Variants in ITSN2 observed in about 807,000 individuals in gnomAD.
ITSN2 encodes intersectin-2.
A neutral mutation model predicts 243.7 loss-of-function variants in ITSN2; 156 were observed. The ratio of observed to expected loss-of-function variants is 0.64; its 90% CI spans 0.56 to 0.73. ITSN2 has a LOEUF of 0.73. Among genes scored for constraint, ITSN2 ranks in the 30% least tolerant of loss-of-function variants. ITSN2 has a pLI of 0.00. For missense variants in ITSN2, 1,801 were observed against 1,996.1 expected (o/e 0.90, Z 1.86); for synonymous variants, 703 against 699.9 (o/e 1.00, Z -0.07).
Position 24,254,223 on chromosome 2 carries a change from G to T in ITSN2, c.2953+144C>A, listed in dbSNP as rs1674727608. ...ATTCATGTGAAATAGATAGGGGCAG[G>T]TTTTCCTAATCTCACTTTAATACTG... On this transcript the variant is annotated intron_variant, in intron 24 of 39. Coordinates refer to ENST00000355123, the MANE Select transcript of ITSN2 (RefSeq NM_006277.3). The T allele has an allele frequency of 5.3e-6, 3 of 563,052 alleles. No individual in the cohort carries two copies. In the South Asian group the frequency reaches 8.4e-5, roughly 16 times the overall value. 34.9% of individuals were successfully genotyped at this position (563,052 alleles called of 1,614,324 possible).
chr2:24,350,925 G>A (rs189987423), intron 1 of ITSN2, among the ~76,000 whole-genome samples: 176 of 152,304 alleles, frequency 1.2e-3, no homozygotes, highest in African/African-American at 4.1e-3. Flanking sequence ...AAATTAGATA[G>A]TGATACTGGT....
chr2:24,306,275 C>T (rs771116803), intron 8 of ITSN2, among the ~76,000 whole-genome samples: 9 of 152,092 alleles, frequency 5.9e-5, no homozygotes, highest in East Asian at 1.9e-4. Flanking sequence ...CCACTGCACC[C>T]GGCCTGCCTA....
chr2:24,260,002 C>A (rs1249847464), intron 22 of ITSN2, among the ~76,000 whole-genome samples: 1 of 152,042 alleles, frequency 6.6e-6, no homozygotes, highest in African/African-American at 2.4e-5. Flanking sequence ...ATTAATTGTG[C>A]CTCAAACTCC....
At chr2:24,248,027 CT>C (rs1673608486) in intron 27 of ITSN2, among the ~76,000 whole-genome samples, 1 of 152,102 alleles carries the variant, frequency 6.6e-6, no homozygotes, top group African/African-American at 2.4e-5. Context: ...AAAAATATAG[CT>C]ATTATATCTC....
intron 17 of ITSN2, among the ~76,000 whole-genome samples, chr2:24,278,919 T>C (rs1678398272): frequency 6.6e-6 from 1 of 152,182 alleles, no homozygotes. Context: ...CCCAAAGGGC[T>C]GGGATTGCAG....
intron 17 of ITSN2, among the ~76,000 whole-genome samples, chr2:24,280,057 T>A (rs1484017763): frequency 3.3e-5 from 5 of 152,192 alleles, no homozygotes; most frequent in Admixed American, 2.6e-4. Flanking sequence ...CTTAATGGTA[T>A]AATGGCCTGT....
Position 24,261,035 on chromosome 2 carries a change from A to G in ITSN2, c.2682+71T>C. 7 of 1,386,338 alleles carry G rather than the reference A, an allele frequency of 5.0e-6. No individual in the cohort carries two copies. In the South Asian group the frequency reaches 7.9e-5, roughly 16 times the overall value. 85.9% of individuals were successfully genotyped at this position (1,386,338 alleles called of 1,614,324 possible). A position where few individuals can be genotyped will look rare whatever the true frequency, so the allele number is the denominator to read the frequency against. ...TAAATGAGTGAATGGTCCTTTGTATATAATTTTCATTCTATTTTAATCAGG... is the reference window on the plus strand; with the variant it reads ...TAAATGAGTGAATGGTCCTTTGTATGTAATTTTCATTCTATTTTAATCAGG... On this transcript the variant is annotated intron_variant, in intron 22 of 39. Coordinates refer to ENST00000355123, the MANE Select transcript of ITSN2 (RefSeq NM_006277.3).
intron 30 of ITSN2, chr2:24,220,209 G>T: frequency 2.5e-6 from 1 of 401,302 alleles, no homozygotes; most frequent in Non-Finnish European, 3.4e-6. Context: ...CACCTGTTGG[G>T]TGTGTGGGGG....
chr2:24,224,612 C>G (rs925468656), intron 29 of ITSN2, among the ~76,000 whole-genome samples: 3 of 150,944 alleles, frequency 2.0e-5, no homozygotes, highest in Non-Finnish European at 4.4e-5. Flanking sequence ...GACCCTTTTG[C>G]ATTTCATCAT....
chr2:24,225,717 C>T lies in ITSN2; in HGVS notation c.3578-4651G>A, dbSNP rs1205512754. Among the ~76,000 whole-genome samples the T allele has an allele frequency of 6.6e-6, 1 of 152,160 alleles. No individual in the cohort carries two copies. The highest frequency in any genetic ancestry group is 2.4e-5 in the African/African-American group (1 of 41,434). ...ACAATGCTGCAGGCTGTATATCTCA[C>T]TCGCAGGGCCCCAGTGCACATTAGC... On this transcript the variant is annotated intron_variant, in intron 29 of 39. Coordinates refer to ENST00000355123, the MANE Select transcript of ITSN2 (RefSeq NM_006277.3). The surrounding 1 kb of genome is among the most constrained non-coding windows in gnomAD (Gnocchi z 4.2).
rs201093505 is a variant in ITSN2 at position 24,246,178 on chromosome 2, A to G, written c.3528T>C (p.Phe1176=). ...TCGTCATCTTAACGTAGTTTGAAGG[A>G]AAGAGACCAGTCACCCCGTTGATCT... is the stretch of plus-strand genomic sequence containing the variant. ...QGEINGVTGL[F]PSNYVKMTTD... is the part of the protein sequence containing the mutation. Residue 1176 remains phenylalanine, a synonymous_variant, in exon 29 of 40, where the codon TTT becomes TTC. Coordinates refer to ENST00000355123, the MANE Select transcript of ITSN2 (RefSeq NM_006277.3). 1.2e-6 allele frequency: 2 copies of G among 1,613,478 alleles called. No individual in the cohort carries two copies. The highest frequency in any genetic ancestry group is 1.3e-5 in the African/African-American group (1 of 74,880).
In ITSN2 at chr2:24,216,134, A is replaced by T; in HGVS notation, c.3905T>A (p.Ile1302Asn). 3 of 1,613,348 alleles carry T rather than the reference A, an allele frequency of 1.9e-6. No individual in the cohort carries two copies. Among genetic ancestry groups the T allele is most frequent in the Non-Finnish European group, 2.5e-6 (3 of 1,179,676 alleles). The change falls in exon 32 of 40, where the codon ATC becomes AAC. Residue 1302 changes from isoleucine to asparagine, a missense_variant. Ile to Asn is a moderately radical substitution (Grantham distance 149). This residue lies in a region of ITSN2 where 928 missense variants were observed against 1,065.4 expected (regional missense o/e 0.87). Transcript: ENST00000355123. ...AAELSHMQAY[I>N]RFCSCQLNGA... is the part of the protein sequence containing the mutation. ...ATTAAGCTGGCAGCTGCAGAACCTG[A>T]TGTAAGCCTGCATGTGGGACAGCTC... is the stretch of plus-strand genomic sequence containing the variant.
intron 29 of ITSN2, chr2:24,241,547 T>TC (rs3832080): frequency 0.18 from 27,005 of 152,400 alleles, 3,096 homozygotes; most frequent in Non-Finnish European, 0.26. Context: ...TTTAAAAAGC[T>TC]CCCCCAAAAT....
chr2:24,216,849 G>A (rs551196973), intron 31 of ITSN2, among the ~76,000 whole-genome samples: 10 of 152,308 alleles, frequency 6.6e-5, no homozygotes, highest in African/African-American at 2.2e-4. Context: ...ACTTTGAGAG[G>A]CTGAGGTGGG....
intron 18 of ITSN2, among the ~76,000 whole-genome samples, chr2:24,272,643 C>T (rs1677510457): frequency 1.3e-5 from 2 of 151,994 alleles, no homozygotes; most frequent in Non-Finnish European, 2.9e-5. Context: ...GCTATGTTGC[C>T]CAGTCTGGTC....
intron 1 of ITSN2, among the ~76,000 whole-genome samples, chr2:24,331,947 T>A (rs898511404): frequency 1.7e-4 from 26 of 151,898 alleles, no homozygotes; most frequent in African/African-American, 5.1e-4. Context: ...AAGAAGGGAG[T>A]TTGAAAGTTG....
chr2:24,236,096 C>A, intron 29 of ITSN2, among the ~76,000 whole-genome samples: 1 of 98,422 alleles, frequency 1.0e-5, no homozygotes, highest in Non-Finnish European at 2.0e-5. Flanking sequence ...TTGAAACAAC[C>A]CAAATGTCCA....
chr2:24,311,888 G>A (rs964053744), intron 5 of ITSN2, among the ~76,000 whole-genome samples: 2 of 152,148 alleles, frequency 1.3e-5, no homozygotes, highest in Non-Finnish European at 2.9e-5. Flanking sequence ...TATAGAGAGA[G>A]AGGAAACTAA....
At chr2:24,278,645 CTTTTTTTTTT>C (rs908928502) in intron 17 of ITSN2, among the ~76,000 whole-genome samples, 1 of 103,008 alleles carries the variant, frequency 9.7e-6, no homozygotes, top group Admixed American at 1.1e-4. Flanking sequence ...TGTTCTCAAT[CTTTTTTTTTT>C]TTTTTTTTTT....
Sources: gnomAD v4.1 joint callset for allele counts (sites outside exome capture counted in the v4.1 genomes callset) on GRCh38, gnomAD v4.1.1 for gene constraint, gnomAD v4.1.1 regional missense constraint, Gnocchi (gnomAD v3.1) non-coding constraint, MANE v1.5 for transcripts, NCBI Gene and HGNC (gene_info 2026-07-23, HGNC 2026-07-21) for gene names.